Variants in NAA15 observed in about 807,000 individuals in gnomAD.
The protein encoded by NAA15 is N-alpha-acetyltransferase 15, NatA auxiliary subunit.
NAA15 carries 34 observed loss-of-function variants against 114.0 expected under a neutral mutation model. The observed-to-expected ratio is 0.30, with a 90% CI of 0.23 to 0.40. The LOEUF is 0.40. NAA15 is among the 10% of genes least tolerant of loss of function. The probability of loss-of-function intolerance (pLI) is 1.00; values close to 1 mark genes in which losing one functional copy is unlikely to be tolerated. For synonymous variants in NAA15, 340 were observed against 338.0 expected (o/e 1.01, Z -0.06); for missense variants, 658 against 1,004.5 (o/e 0.66, Z 4.66).
At chr4:139,371,232 G>C (rs1207473034) in intron 15 of NAA15, among the ~76,000 whole-genome samples, 1 of 152,076 alleles carries the variant, frequency 6.6e-6, no homozygotes, top group Admixed American at 6.5e-5. Context: ...CAAACAAATA[G>C]AGTTGGAGAA....
intron 1 of NAA15, among the ~76,000 whole-genome samples, chr4:139,313,606 G>A (rs1398210262): frequency 2.7e-5 from 4 of 150,462 alleles, no homozygotes; most frequent in Non-Finnish European, 4.4e-5. Flanking sequence ...TAGTGGCCGC[G>A]TGATCTTGGC....
chr4:139,345,375 C>T (rs908937924), intron 6 of NAA15, among the ~76,000 whole-genome samples: 14 of 152,184 alleles, frequency 9.2e-5, no homozygotes. Flanking sequence ...TCATTGGCCA[C>T]TAAATAGCTC....
At chr4:139,362,393 C>T (rs1748160375) in intron 14 of NAA15, among the ~76,000 whole-genome samples, 1 of 152,128 alleles carries the variant, frequency 6.6e-6, no homozygotes, top group African/African-American at 2.4e-5. Flanking sequence ...CCTGCCGCAG[C>T]CTTCTGAGTA....
chr4:139,362,101 C>T (rs765845039), intron 14 of NAA15, among the ~76,000 whole-genome samples, 164 bp downstream of exon 14: 1 of 152,088 alleles, frequency 6.6e-6, no homozygotes, highest in Non-Finnish European at 1.5e-5. Context: ...TTTATGCTTC[C>T]AAAGTTAAAC....
chr4:139,331,403 C>T (rs1033714188), intron 1 of NAA15, among the ~76,000 whole-genome samples: 3 of 151,854 alleles, frequency 2.0e-5, no homozygotes, highest in African/African-American at 7.2e-5. Flanking sequence ...TTTCATCTTC[C>T]TCATTCCTCA....
rs775083745 is a variant in NAA15 at position 139,344,139 on chromosome 4, A to T, written c.538-47A>T. The T allele has an allele frequency of 1.8e-5, 26 of 1,463,740 alleles. No individual in the cohort carries two copies. In the Admixed American group the frequency reaches 5.8e-4, roughly 33 times the overall value. 90.7% of individuals were successfully genotyped at this position (1,463,740 alleles called of 1,614,324 possible). On this transcript the variant is annotated intron_variant, in intron 5 of 19. Coordinates refer to ENST00000296543, the MANE Select transcript of NAA15 (RefSeq NM_057175.5). ...TGAGTATTGTGAACAATTTTCTGAT[A>T]TGAAAATAAAATTCTTACTGTCAGT...
At chr4:139,341,616 A>AAAAAAAG (rs1747397006) in intron 4 of NAA15, among the ~76,000 whole-genome samples, 1 of 150,318 alleles carries the variant, frequency 6.7e-6, no homozygotes, top group African/African-American at 2.4e-5. Flanking sequence ...AAAAAAAAAA[A>AAAAAAAG]AAAGAAAATC....
chr4:139,384,075 T>C (rs1221554242), intron 17 of NAA15, among the ~76,000 whole-genome samples: 5 of 152,226 alleles, frequency 3.3e-5, no homozygotes, highest in Admixed American at 3.3e-4. Flanking sequence ...AAACTACTTG[T>C]TTTGTCATCT....
At chr4:139,310,085 A>T (rs907171756) in intron 1 of NAA15, among the ~76,000 whole-genome samples, 3 of 152,184 alleles carry the variant, frequency 2.0e-5, no homozygotes, top group African/African-American at 4.8e-5. Flanking sequence ...GTGCAGTCTT[A>T]TATCTTTTAA....
In NAA15 at chr4:139,334,041, G is replaced by A. The variant is rs1427920134; in HGVS notation, c.55-133G>A. ...TTTGAACCTTTTGTATTTTTTATTG[G>A]CATTTTACCGAGATTTAGAAGCATA... On this transcript the variant is annotated intron_variant, in intron 1 of 19. Coordinates refer to ENST00000296543, the MANE Select transcript of NAA15 (RefSeq NM_057175.5). The A allele has an allele frequency of 2.1e-5, 12 of 576,600 alleles. No individual in the cohort carries two copies. The Admixed American group carries it at 2.3e-4, about 11-fold the overall frequency. The allele number at this position is 576,600 out of a possible 1,614,324, so 35.7% of individuals were successfully genotyped here.
chr4:139,321,288 T>C (rs921937505), intron 1 of NAA15, among the ~76,000 whole-genome samples: 5 of 152,042 alleles, frequency 3.3e-5, no homozygotes, highest in Admixed American at 6.6e-5. Context: ...CATTTCTTCA[T>C]TGAGATTTTC....
chr4:139,347,600 C>T (rs1186239106), intron 6 of NAA15, among the ~76,000 whole-genome samples: 1 of 152,192 alleles, frequency 6.6e-6, no homozygotes, highest in Non-Finnish European at 1.5e-5. Flanking sequence ...CAGGATTGCA[C>T]CACTGCATTC....
At position 139,391,118 on chromosome 4, in the gene NAA15, T is replaced by C. The variant is rs1749047452; in HGVS notation, c.*3034T>C. The C allele has an allele frequency of 6.6e-6, 1 of 152,258 alleles. No homozygotes were observed. The highest frequency in any genetic ancestry group is 1.5e-5 in the Non-Finnish European group (1 of 68,048). The allele number at this position is 152,258 out of a possible 1,614,324, so 9.4% of individuals were successfully genotyped here. ...AGCCTTAAATTTTGAAATGAATCTTTGAGATTTCAAAGAAAGACTGACCTT... is the reference window on the plus strand; with the variant it reads ...AGCCTTAAATTTTGAAATGAATCTTCGAGATTTCAAAGAAAGACTGACCTT... On this transcript the variant is annotated 3_prime_UTR_variant, in exon 20 of 20. Coordinates refer to ENST00000296543, the MANE Select transcript of NAA15 (RefSeq NM_057175.5).
Position 139,357,433 on chromosome 4 carries a change from T to C in NAA15, c.1135T>C (p.Tyr379His). The C allele has an allele frequency of 6.2e-7, 1 of 1,613,972 alleles. No homozygotes were observed. Among genetic ancestry groups the C allele is most frequent in the Non-Finnish European group, 8.5e-7 (1 of 1,179,894 alleles). ...AACCACATTACTTTGGGTCCAGTAC[T>C]ACTTGGCACAACATTATGACAAAAT... ...PPTTLLWVQY[Y>H]LAQHYDKIGQ... Residue 379 changes from tyrosine to histidine, a missense_variant, in exon 11 of 20, where the codon TAC (tyrosine) becomes CAC (histidine). By Grantham distance (83) the Tyr-to-His change is moderately conservative. Around this residue, in one of 6 missense-constraint regions of NAA15, gnomAD observed 281 missense variants for 389.1 expected, o/e 0.72. Transcript: ENST00000296543.
At chr4:139,349,440 T>C (rs1371586090) in intron 6 of NAA15, 22 bp from the exon 7 acceptor site, 2 of 1,520,136 alleles carry the variant, frequency 1.3e-6, no homozygotes, top group South Asian at 2.6e-5. Flanking sequence ...TTAAAATTTT[T>C]TTTTTTTCTG....
intron 6 of NAA15, among the ~76,000 whole-genome samples, chr4:139,346,112 A>T (rs796930030): frequency 6.6e-5 from 10 of 152,232 alleles, no homozygotes; most frequent in African/African-American, 2.4e-4. Context: ...TCCAATAGAG[A>T]TAGAATATTT....
Position 139,336,756 on chromosome 4 carries a change from G to A in NAA15, c.140-92G>A, listed in dbSNP as rs1747213489. On this transcript the variant is annotated intron_variant, in intron 2 of 19. Transcript: ENST00000296543. ...CATTTTTAATTCTTAAGGCAGTGTA[G>A]CATTTGTTTTTGAGATTATGGTTCT... 8.4e-6 allele frequency: 5 copies of A among 597,934 alleles called. No individual in the cohort carries two copies. In the South Asian group the frequency reaches 2.4e-4, roughly 28 times the overall value. The allele number at this position is 597,934 out of a possible 1,614,324, so 37.0% of individuals were successfully genotyped here. A position where few individuals can be genotyped will look rare whatever the true frequency, so the allele number is the denominator to read the frequency against.
chr4:139,344,335 C>A lies in NAA15; in HGVS notation c.687C>A (p.Thr229=). The change falls in exon 6 of 20, where the codon ACC becomes ACA. Residue 229 remains threonine (T), a synonymous_variant. Transcript: ENST00000296543. ...GTGATAAACTTGCTGTAGAAGAAAC[C>A]AAAGGTATTTTTAAAAGAATTGTCA... ...QICDKLAVEE[T]KGELLLQLCR... 3 of 1,599,276 alleles carry A rather than the reference C, an allele frequency of 1.9e-6. No individual in the cohort carries two copies. The highest frequency in any genetic ancestry group is 1.1e-5 in the South Asian group (1 of 87,898).
In NAA15 at chr4:139,344,353, A is replaced by C. The variant is rs765895854; in HGVS notation, c.691+14A>C. 1.3e-6 allele frequency: 2 copies of C among 1,595,042 alleles called. No homozygotes were observed. Among genetic ancestry groups the C allele is most frequent in the Non-Finnish European group, 1.7e-6 (2 of 1,168,904 alleles). On this transcript the variant is annotated intron_variant, in intron 6 of 19. Coordinates refer to ENST00000296543, the MANE Select transcript of NAA15 (RefSeq NM_057175.5). ...AAGAAACCAAAGGTATTTTTAAAAG[A>C]ATTGTCATTTATTCTAATATTGAAA...
Sources: allele counts gnomAD v4.1 joint callset (sites outside exome capture counted in the v4.1 genomes callset), GRCh38; gene constraint gnomAD v4.1.1; regional missense constraint gnomAD v4.1.1; transcripts MANE v1.5; gene names NCBI Gene and HGNC (gene_info 2026-07-23, HGNC 2026-07-21).